XKR4: variants seen among roughly 807,000 people sequenced by gnomAD.
XKR4 encodes XK related 4.
Under a neutral mutation model 53.9 loss-of-function variants are expected in XKR4, and 12 were observed. The observed-to-expected ratio is 0.22, with a 90% CI of 0.14 to 0.36. The LOEUF (loss-of-function observed/expected upper bound fraction) is 0.36, where lower values mean the gene tolerates loss of function less well. XKR4 is among the 10% of genes least tolerant of loss of function. XKR4 has a pLI of 1.00. For missense variants in XKR4, 799 were observed against 859.5 expected (o/e 0.93, Z 0.88); for synonymous variants, 354 against 362.4 (o/e 0.98, Z 0.26).
intron 1 of XKR4, among the ~76,000 whole-genome samples, chr8:55,330,405 A>G (rs1042427822): frequency 9.9e-5 from 15 of 152,216 alleles, no homozygotes; most frequent in African/African-American, 2.4e-4. Context: ...AAAAATGCCC[A>G]GAAGGGAGTA....
chr8:55,498,219 G>T (rs368683138), intron 2 of XKR4, among the ~76,000 whole-genome samples: 2 of 152,202 alleles, frequency 1.3e-5, no homozygotes, highest in African/African-American at 4.8e-5. Context: ...TCTGGCAGCC[G>T]CTGCGCCCTA....
chr8:55,335,540 C>A (rs1180127655), intron 1 of XKR4, among the ~76,000 whole-genome samples: 1 of 152,056 alleles, frequency 6.6e-6, no homozygotes, highest in East Asian at 1.9e-4. Context: ...GTGATGCATG[C>A]AATTATCATG....
chr8:55,350,552 A>G (rs1803710178), intron 1 of XKR4, among the ~76,000 whole-genome samples: 1 of 152,230 alleles, frequency 6.6e-6, no homozygotes, highest in Admixed American at 6.5e-5. Context: ...TCACAAAAAG[A>G]CCAATACTGT....
intron 1 of XKR4, among the ~76,000 whole-genome samples, chr8:55,353,814 A>T (rs2129383926): frequency 6.6e-6 from 1 of 152,348 alleles, no homozygotes; most frequent in East Asian, 1.9e-4. Flanking sequence ...AGCTCATCAC[A>T]AGCTGCAGCC....
chr8:55,391,622 C>G (rs1385322644), intron 2 of XKR4, among the ~76,000 whole-genome samples: 1 of 151,836 alleles, frequency 6.6e-6, no homozygotes, highest in Non-Finnish European at 1.5e-5. Flanking sequence ...AAAGAATATA[C>G]AAAAGAATAG....
chr8:55,352,775 TA>T (rs1160222186), intron 1 of XKR4, among the ~76,000 whole-genome samples: 2 of 152,090 alleles, frequency 1.3e-5, no homozygotes, highest in African/African-American at 4.8e-5. Context: ...ATACCATTAG[TA>T]GATTAAAGAA....
chr8:55,474,822 C>T (rs1370257758), intron 2 of XKR4, among the ~76,000 whole-genome samples: 1 of 152,140 alleles, frequency 6.6e-6, no homozygotes, highest in African/African-American at 2.4e-5. Context: ...TAATCTATAT[C>T]TGGACACCCA....
chr8:55,502,608 GTT>G (rs35742330), intron 2 of XKR4, among the ~76,000 whole-genome samples: 4 of 150,982 alleles, frequency 2.6e-5, no homozygotes, highest in African/African-American at 7.3e-5. Context: ...TTGAGTTATA[GTT>G]TTTTTTTAAT....
intron 1 of XKR4, among the ~76,000 whole-genome samples, chr8:55,238,144 ATC>A (rs145574225): frequency 6.6e-6 from 1 of 151,038 alleles, no homozygotes; most frequent in Non-Finnish European, 1.5e-5. Flanking sequence ...ATAGACATTT[ATC>A]TCTCTCTCTC....
intron 1 of XKR4, chr8:55,164,276 C>T (rs1265745051): frequency 4.4e-6 from 2 of 455,970 alleles, no homozygotes; most frequent in African/African-American, 4.0e-5. Flanking sequence ...TTTGCCTGAC[C>T]CTCGTCCATT....
intron 1 of XKR4, among the ~76,000 whole-genome samples, chr8:55,271,923 GAC>G (rs1818696415): frequency 6.6e-6 from 1 of 152,194 alleles, no homozygotes. Context: ...TATATAAAGG[GAC>G]AGTTTCCTGG....
At chr8:55,521,181 T>C (rs1296108469) in intron 2 of XKR4, among the ~76,000 whole-genome samples, 2 of 152,310 alleles carry the variant, frequency 1.3e-5, no homozygotes, top group Middle Eastern at 3.4e-3. Context: ...AAAGGGAGCA[T>C]AGTCTAGTGA....
Position 55,457,146 on chromosome 8 carries a change from C to CTTTTCTTTTTTTT in XKR4, c.1007-66131_1007-66130insCTTTTTTTTTTTT, listed in dbSNP as rs533607534. ...CAAGTGCTGAATTTTTTTTCCTTTT[C>CTTTTCTTTTTTTT]TTTTTTTTTTTTTTGAGACTGAGTC... On this transcript the variant is annotated intron_variant, in intron 2 of 2. Coordinates refer to ENST00000327381, the MANE Select transcript of XKR4 (RefSeq NM_052898.2). Among the ~76,000 whole-genome samples the CTTTTCTTTTTTTT allele has an allele frequency of 3.9e-4, 53 of 137,210 alleles. 2 individuals are homozygous for CTTTTCTTTTTTTT. Among genetic ancestry groups the CTTTTCTTTTTTTT allele is most frequent in the Non-Finnish European group, 5.0e-4 (32 of 63,750 alleles). The allele number at this position is 137,210 out of a possible 152,430, so 90.0% of individuals were successfully genotyped here.
At chr8:55,435,604 C>G (rs1396552905) in intron 2 of XKR4, among the ~76,000 whole-genome samples, 1 of 146,422 alleles carries the variant, frequency 6.8e-6, no homozygotes, top group African/African-American at 2.5e-5. Flanking sequence ...TGGTCTTGCT[C>G]TTTCTCTCAA....
At chr8:55,366,012 G>A (rs113994776) in intron 2 of XKR4, among the ~76,000 whole-genome samples, 6,835 of 152,318 alleles carry the variant, frequency 0.045, 480 homozygotes, top group African/African-American at 0.15. Context: ...GGCACAGGCC[G>A]GCTGCTGCTG....
At chr8:55,226,255 A>C (rs1817949535) in intron 1 of XKR4, among the ~76,000 whole-genome samples, 1 of 152,262 alleles carries the variant, frequency 6.6e-6, no homozygotes, top group African/African-American at 2.4e-5. Flanking sequence ...ATGAACTTCA[A>C]AATAAAAGCA....
At chr8:55,380,113 C>T (rs1488610611) in intron 2 of XKR4, among the ~76,000 whole-genome samples, 1 of 152,240 alleles carries the variant, frequency 6.6e-6, no homozygotes, top group Non-Finnish European at 1.5e-5. Context: ...TCCCTGCTGT[C>T]TGAATGCTCC....
At chr8:55,421,955 C>T (rs1311668964) in intron 2 of XKR4, among the ~76,000 whole-genome samples, 1 of 152,186 alleles carries the variant, frequency 6.6e-6, no homozygotes, top group African/African-American at 2.4e-5. Context: ...CATTTGTCTT[C>T]TCACCTTTCT....
intron 1 of XKR4, among the ~76,000 whole-genome samples, chr8:55,229,174 G>A (rs1245495175): frequency 1.3e-5 from 2 of 152,176 alleles, no homozygotes; most frequent in Admixed American, 1.3e-4. Context: ...TGTTTGTAAG[G>A]CAGGCAGCAG....
Sources: allele counts gnomAD v4.1 joint callset (sites outside exome capture counted in the v4.1 genomes callset), GRCh38; gene constraint gnomAD v4.1.1; transcripts MANE v1.5; gene names NCBI Gene and HGNC (gene_info 2026-07-23, HGNC 2026-07-21).